The following SDK2 variants were observed in gnomAD, a reference collection of about 807,000 sequenced individuals.
SDK2 encodes protein sidekick-2.
Under a neutral mutation model 253.9 loss-of-function variants are expected in SDK2, and 105 were observed. The observed-to-expected ratio is 0.41, with a 90% CI of 0.35 to 0.49. The LOEUF is 0.49. Ranked by LOEUF, SDK2 falls within the 20% of genes least tolerant of loss-of-function variation. SDK2 has a pLI of 0.06. For synonymous variants in SDK2, 1,249 were observed against 1,234.9 expected (o/e 1.01, Z -0.24); for missense variants, 2,608 against 3,003.0 (o/e 0.87, Z 3.07).
intron 1 of SDK2, among the ~76,000 whole-genome samples, chr17:73,528,467 G>A (rs1466391564): frequency 1.3e-5 from 2 of 152,172 alleles, no homozygotes; most frequent in Non-Finnish European, 2.9e-5. Context: ...GGGAAGCAGC[G>A]ATGCAGTGAG....
At chr17:73,507,233 C>T (rs1182201137) in intron 2 of SDK2, among the ~76,000 whole-genome samples, 4 of 152,246 alleles carry the variant, frequency 2.6e-5, no homozygotes, top group Non-Finnish European at 5.9e-5. Flanking sequence ...CCCTGGTCCA[C>T]AACCCAGCCA....
intron 1 of SDK2, among the ~76,000 whole-genome samples, chr17:73,543,683 T>A (rs9890592): frequency 6.6e-6 from 1 of 152,118 alleles, no homozygotes; most frequent in South Asian, 2.1e-4. Flanking sequence ...GCACTGCCCT[T>A]GGGGGATAGG....
At chr17:73,437,877 C>A (rs1021467046) in intron 7 of SDK2, 55 bp from the exon 8 acceptor site, 1 of 1,608,922 alleles carries the variant, frequency 6.2e-7, no homozygotes, top group African/African-American at 1.3e-5. Flanking sequence ...TTTGATCCAG[C>A]CACTGTAGGG....
intron 2 of SDK2, among the ~76,000 whole-genome samples, chr17:73,472,681 C>T (rs149913742): frequency 0.014 from 2,064 of 152,314 alleles, 26 homozygotes; most frequent in Non-Finnish European, 0.021. Context: ...CAGTATCATT[C>T]CTTTCTTAAA....
chr17:73,338,900 T>C lies in SDK2; in HGVS notation c.6206A>G (p.Lys2069Arg). 1 of 1,614,016 alleles carries C rather than the reference T, an allele frequency of 6.2e-7. No homozygotes were observed. The highest frequency in any genetic ancestry group is 8.5e-7 in the Non-Finnish European group (1 of 1,179,896). Reference protein sequence around the residue: ...SEYEVDSNHQKAHSFVNHYIS... With the variant: ...SEYEVDSNHQRAHSFVNHYIS... ...GTAGTGGTTGACAAAGGAGTGGGCC[T>C]TCTGGTGGTTTGAGTCGACCTCGTA... Residue 2069 changes from lysine (K) to arginine (R), a missense_variant, in exon 45 of 45, where the codon AAG becomes AGG. Around this residue, in one of 2 missense-constraint regions of SDK2, gnomAD observed 1,103 missense variants for 1,143.9 expected, o/e 0.96. Transcript: ENST00000392650. The surrounding 1 kb of genome is among the most constrained non-coding windows in gnomAD (Gnocchi z 5.0).
chr17:73,399,131 G>A (rs879559749), intron 22 of SDK2, 37 bp downstream of exon 22: 2 of 1,609,480 alleles, frequency 1.2e-6, no homozygotes, highest in Non-Finnish European at 1.7e-6. Flanking sequence ...GGGGTGCCCT[G>A]GCGGGGGCTG....
chr17:73,634,984 G>A (rs907365351), intron 1 of SDK2, among the ~76,000 whole-genome samples: 2 of 151,282 alleles, frequency 1.3e-5, no homozygotes, highest in African/African-American at 4.9e-5. Flanking sequence ...CGCATTTCAG[G>A]TTTCTATTTT....
chr17:73,526,785 C>G (rs1443682020), intron 1 of SDK2, among the ~76,000 whole-genome samples: 1 of 152,214 alleles, frequency 6.6e-6, no homozygotes, highest in East Asian at 1.9e-4. Context: ...TCCAGCCTTT[C>G]TTAGAGGACA....
intron 2 of SDK2, 100 bp downstream of exon 2, chr17:73,507,338 A>G: frequency 7.8e-7 from 1 of 1,283,058 alleles, no homozygotes; most frequent in Non-Finnish European, 1.1e-6. Context: ...AGGAGCCCTG[A>G]GCCCCACACT....
At chr17:73,397,993 G>A in intron 24 of SDK2, 42 bp downstream of exon 24, 1 of 1,599,938 alleles carries the variant, frequency 6.3e-7, no homozygotes, top group Non-Finnish European at 8.5e-7. Context: ...ATGACCAGAA[G>A]CTCATGGAGA....
chr17:73,502,387 A>T (rs1426096721), intron 2 of SDK2, among the ~76,000 whole-genome samples: 1 of 152,080 alleles, frequency 6.6e-6, no homozygotes, highest in Non-Finnish European at 1.5e-5. Flanking sequence ...ACAGTCTCCT[A>T]TGGAATGCAC....
chr17:73,405,856 A>G (rs1399100597), intron 18 of SDK2, among the ~76,000 whole-genome samples: 3 of 151,066 alleles, frequency 2.0e-5, no homozygotes, highest in African/African-American at 7.3e-5. Flanking sequence ...AGTTGCTGGG[A>G]CTACAGGCGC....
Position 73,422,273 on chromosome 17 carries a change from G to T in SDK2, c.2045+14C>A, listed in dbSNP as rs374055960. ...AGTCCTGGCGACGCCCCTGTAGAGC[G>T]CCAGTGCCCTCACCTCTCGGTGTCT... On this transcript the variant is annotated intron_variant, in intron 15 of 44. Coordinates refer to ENST00000392650, the MANE Select transcript of SDK2 (RefSeq NM_001144952.2). 37 of 1,613,000 alleles carry T rather than the reference G, an allele frequency of 2.3e-5. No homozygotes were observed. Among genetic ancestry groups the T allele is most frequent in the Non-Finnish European group, 3.1e-5 (36 of 1,179,694 alleles).
rs145389098 is a variant in SDK2, at chr17:73,339,058, T to C, written c.6166-118A>G. The stretch of plus-strand genomic sequence containing the variant: ...ACTCTGCTCTGCCTCTTTCAAGACT[T>C]GGACTGTGGGCCTCCCAGCCCCCTC... On this transcript the variant is annotated intron_variant, in intron 44 of 44. Transcript: ENST00000392650. 6.7e-3 allele frequency: 6,049 copies of C among 901,972 alleles called. 37 individuals are homozygous for C. Among genetic ancestry groups the C allele is most frequent in the Middle Eastern group, 0.016 (49 of 3,078 alleles). 55.9% of individuals were successfully genotyped at this position (901,972 alleles called of 1,614,324 possible).
At chr17:73,398,865 G>A (rs2062994489) in intron 22 of SDK2, among the ~76,000 whole-genome samples, 1 of 152,112 alleles carries the variant, frequency 6.6e-6, no homozygotes, top group South Asian at 2.1e-4. Flanking sequence ...GCTTCTGAAC[G>A]CTCCCCTGAT....
At chr17:73,624,389 AG>A (rs374391049) in intron 1 of SDK2, among the ~76,000 whole-genome samples, 2 of 152,202 alleles carry the variant, frequency 1.3e-5, no homozygotes, top group African/African-American at 4.8e-5. Context: ...GCTACTTGGA[AG>A]GCTGAGGCAT....
chr17:73,544,459 A>G (rs1193942939), intron 1 of SDK2, among the ~76,000 whole-genome samples: 1 of 152,224 alleles, frequency 6.6e-6, no homozygotes, highest in Admixed American at 6.5e-5. Flanking sequence ...TGGCAGAAAG[A>G]AGATACTCCA....
In SDK2 at chr17:73,644,296, G is replaced by T. The variant is rs1450163991; in HGVS notation, c.-208C>A. Among the ~76,000 whole-genome samples the T allele has an allele frequency of 1.3e-5, 2 of 152,308 alleles. No individual in the cohort carries two copies. Among genetic ancestry groups the T allele is most frequent in the East Asian group, 3.9e-4 (2 of 5,172 alleles). On this transcript the variant is annotated 5_prime_UTR_variant, in exon 1 of 45. Coordinates refer to ENST00000392650, the MANE Select transcript of SDK2 (RefSeq NM_001144952.2). The surrounding 1 kb of genome is among the most constrained non-coding windows in gnomAD (Gnocchi z 6.3). Reference sequence around the variant, plus strand: ...TCTGTACTAGTCCGAGCCCGGCAGCGCGCCCGGAAGGCGAGGGGCGAGCAG... The same window carrying T: ...TCTGTACTAGTCCGAGCCCGGCAGCTCGCCCGGAAGGCGAGGGGCGAGCAG...
intron 3 of SDK2, among the ~76,000 whole-genome samples, chr17:73,464,770 A>AC: frequency 6.6e-6 from 1 of 152,064 alleles, no homozygotes; most frequent in Admixed American, 6.5e-5. Flanking sequence ...GCCACCCTCC[A>AC]CCATCATATC....
Sources: allele counts gnomAD v4.1 joint callset (sites outside exome capture counted in the v4.1 genomes callset), GRCh38; gene constraint gnomAD v4.1.1; regional missense constraint gnomAD v4.1.1; non-coding constraint Gnocchi (gnomAD v3.1); transcripts MANE v1.5; gene names NCBI Gene and HGNC (gene_info 2026-07-23, HGNC 2026-07-21).